The following MAD1L1 variants were observed in gnomAD, a reference collection of about 807,000 sequenced individuals.
MAD1L1 encodes the protein mitotic spindle assembly checkpoint protein MAD1.
A neutral mutation model predicts 96.9 loss-of-function variants in MAD1L1; 95 were observed. The observed-to-expected ratio is 0.98, with a 90% CI of 0.83 to 1.16. The LOEUF (loss-of-function observed/expected upper bound fraction) is 1.16. Among genes scored for constraint, MAD1L1 ranks in the 50% most tolerant of loss-of-function variants. MAD1L1 has a pLI of 0.00. For synonymous variants in MAD1L1, 473 were observed against 396.6 expected (o/e 1.19, Z -2.29); for missense variants, 1,007 against 954.4 (o/e 1.06, Z -0.73).
intron 3 of MAD1L1, among the ~76,000 whole-genome samples, chr7:2,226,128 G>A (rs1387432182): frequency 2.6e-5 from 4 of 152,198 alleles, no homozygotes; most frequent in African/African-American, 9.7e-5. Context: ...TCTGGACTCA[G>A]ACTTAAAGGG....
At chr7:1,833,621 C>A (rs561329909) in intron 18 of MAD1L1, among the ~76,000 whole-genome samples, 6 of 152,334 alleles carry the variant, frequency 3.9e-5, no homozygotes, top group African/African-American at 1.4e-4. Flanking sequence ...AAGGCAGTAA[C>A]ATTCTGGATG....
chr7:2,049,892 G>A (rs1422657106), intron 12 of MAD1L1, among the ~76,000 whole-genome samples: 2 of 147,598 alleles, frequency 1.4e-5, no homozygotes, highest in East Asian at 2.0e-4. Flanking sequence ...CAGACCACAC[G>A]TTCACAGGGC....
intron 14 of MAD1L1, among the ~76,000 whole-genome samples, chr7:1,984,706 G>A (rs545980824): frequency 6.6e-6 from 1 of 152,278 alleles, no homozygotes; most frequent in African/African-American, 2.4e-5. Context: ...TTTGCTTCCC[G>A]TACTTTCCAA....
intron 12 of MAD1L1, among the ~76,000 whole-genome samples, chr7:2,059,895 C>A (rs890392794): frequency 6.6e-6 from 1 of 152,102 alleles, no homozygotes; most frequent in South Asian, 2.1e-4. Flanking sequence ...ATGAAAACTG[C>A]GTCGAATGTT....
At chr7:2,212,124 AG>A (rs1295782958) in intron 10 of MAD1L1, among the ~76,000 whole-genome samples, 1 of 152,230 alleles carries the variant, frequency 6.6e-6, no homozygotes, top group Non-Finnish European at 1.5e-5. Context: ...ACTGAAGGGC[AG>A]GGGCCAACTG....
chr7:1,853,148 G>A (rs570777685), intron 18 of MAD1L1, among the ~76,000 whole-genome samples: 1 of 152,340 alleles, frequency 6.6e-6, no homozygotes, highest in South Asian at 2.1e-4. Flanking sequence ...AGGATGTACA[G>A]GAGGTGGGGG....
intron 14 of MAD1L1, among the ~76,000 whole-genome samples, chr7:1,982,680 T>C (rs1020531666): frequency 1.3e-5 from 2 of 152,218 alleles, no homozygotes; most frequent in African/African-American, 2.4e-5. Context: ...CTTCCCAATA[T>C]TGATACCTTG....
intron 18 of MAD1L1, among the ~76,000 whole-genome samples, chr7:1,828,518 G>A (rs1038858839): frequency 3.3e-5 from 5 of 152,216 alleles, no homozygotes; most frequent in African/African-American, 4.8e-5. Flanking sequence ...GAAAGCCTGC[G>A]AACTAGGCGG....
intron 18 of MAD1L1, among the ~76,000 whole-genome samples, chr7:1,853,806 C>T (rs866320083): frequency 4.6e-5 from 7 of 152,140 alleles, no homozygotes; most frequent in African/African-American, 1.7e-4. Context: ...TCCCAACCTA[C>T]GATTTCACTC....
At chr7:1,925,531 C>G (rs1392184093) in intron 17 of MAD1L1, among the ~76,000 whole-genome samples, 1 of 152,204 alleles carries the variant, frequency 6.6e-6, no homozygotes, top group African/African-American at 2.4e-5. Flanking sequence ...AGGGCAGATA[C>G]AGAGAGCCAA....
chr7:1,889,108 T>C (rs142619959), intron 18 of MAD1L1, among the ~76,000 whole-genome samples: 5 of 152,310 alleles, frequency 3.3e-5, no homozygotes, highest in African/African-American at 1.2e-4. Flanking sequence ...CCACGACCCT[T>C]GGGCAGATGC....
chr7:1,941,678 G>A (rs1201985170), intron 16 of MAD1L1, among the ~76,000 whole-genome samples: 1 of 152,244 alleles, frequency 6.6e-6, no homozygotes, highest in Non-Finnish European at 1.5e-5. Flanking sequence ...GCCAAGGTCG[G>A]CGCAGGTTCC....
intron 16 of MAD1L1, among the ~76,000 whole-genome samples, chr7:1,952,191 C>T (rs1298151868): frequency 1.3e-5 from 2 of 152,252 alleles, no homozygotes; most frequent in East Asian, 1.9e-4. Flanking sequence ...GCAGAACATT[C>T]CTGGTTTCCC....
intron 12 of MAD1L1, among the ~76,000 whole-genome samples, chr7:2,066,717 C>T (rs994275889): frequency 6.6e-6 from 1 of 152,326 alleles, no homozygotes; most frequent in Middle Eastern, 3.4e-3. Context: ...GGGAGCCCCA[C>T]AGGGATGAAA....
intron 12 of MAD1L1, among the ~76,000 whole-genome samples, chr7:2,068,009 A>G (rs1474342092): frequency 6.6e-6 from 1 of 152,250 alleles, no homozygotes; most frequent in African/African-American, 2.4e-5. Flanking sequence ...AAGAGAAGGG[A>G]ACACAGAGGA....
intron 18 of MAD1L1, among the ~76,000 whole-genome samples, chr7:1,860,357 C>T (rs1364489495): frequency 2.7e-5 from 2 of 73,400 alleles, no homozygotes; most frequent in Admixed American, 1.8e-4. Flanking sequence ...TCCTGCGGGG[C>T]GGCCTCTGTG....
Position 2,131,888 on chromosome 7 carries a change from T to C in MAD1L1, c.1073+17264A>G, listed in dbSNP as rs1788524866. Among the ~76,000 whole-genome samples, 2 of 152,220 alleles carry C rather than the reference T, an allele frequency of 1.3e-5. 1 individual carries two copies. Among genetic ancestry groups the C allele is most frequent in the South Asian group, 4.1e-4 (2 of 4,834 alleles). Reference sequence around the variant, plus strand: ...CGGCAACTGGCAGTCACACAAGTCCTGTGAGCCCCCCACAAGGGCCTGACC... The same window carrying C: ...CGGCAACTGGCAGTCACACAAGTCCCGTGAGCCCCCCACAAGGGCCTGACC... On this transcript the variant is annotated intron_variant, in intron 11 of 18. Transcript: ENST00000265854.
chr7:2,069,424 C>G lies in MAD1L1; in HGVS notation c.1074-86G>C. On this transcript the variant is annotated intron_variant, in intron 11 of 18. Transcript: ENST00000265854. ...CCGCCCCACCCCAGGAACGAGCCCA[C>G]CAGGACATCCTAAAATAGAGCTGCA... 2.3e-6 allele frequency: 3 copies of G among 1,325,164 alleles called. No individual in the cohort carries two copies. In the South Asian group the frequency reaches 4.7e-5, roughly 21 times the overall value. 82.1% of individuals were successfully genotyped at this position (1,325,164 alleles called of 1,614,324 possible).
intron 18 of MAD1L1, among the ~76,000 whole-genome samples, chr7:1,885,065 T>A (rs568488777): frequency 6.6e-6 from 1 of 152,294 alleles, no homozygotes; most frequent in South Asian, 2.1e-4. Context: ...ACAACCTAAG[T>A]ACTTAGTCAT....
Sources: gnomAD v4.1 joint callset for allele counts (sites outside exome capture counted in the v4.1 genomes callset) on GRCh38, gnomAD v4.1.1 for gene constraint, MANE v1.5 for transcripts, NCBI Gene and HGNC (gene_info 2026-07-23, HGNC 2026-07-21) for gene names.